PHF21B: variants seen among roughly 807,000 people sequenced by gnomAD.
The protein encoded by PHF21B is PHD finger protein 21B.
PHF21B carries 22 observed loss-of-function variants against 62.2 expected under a neutral mutation model. The observed-to-expected ratio is 0.35, with a 90% confidence interval of 0.25 to 0.51. The LOEUF (loss-of-function observed/expected upper bound fraction) is 0.51. Ranked by LOEUF, PHF21B falls within the 20% of genes least tolerant of loss-of-function variation. The pLI is 0.97. For missense variants in PHF21B, 701 were observed against 707.9 expected, an observed-to-expected ratio of 0.99 and a Z score of 0.11; for synonymous variants, 341 against 314.7, an observed-to-expected ratio of 1.08 and a Z score of -0.88.
At chr22:44,908,505 C>T (rs1237318624) in intron 5 of PHF21B, among the ~76,000 whole-genome samples, 1 of 152,164 alleles carries the variant, frequency 6.6e-6, no homozygotes, top group Non-Finnish European at 1.5e-5. Flanking sequence ...CTGCTGCAGC[C>T]CCTGTTGCCA....
chr22:44,901,692 G>T, intron 5 of PHF21B: 1 of 457,612 alleles, frequency 2.2e-6, no homozygotes. Flanking sequence ...AAAAGCCCAA[G>T]GGGGAAGCCC....
chr22:44,945,727 T>C (rs136701), intron 2 of PHF21B, among the ~76,000 whole-genome samples: 16 of 22,582 alleles, frequency 7.1e-4, no homozygotes, highest in Admixed American at 4.1e-3. Flanking sequence ...GGGGGGGGGG[T>C]GGTATAAAGC....
intron 2 of PHF21B, among the ~76,000 whole-genome samples, chr22:44,929,845 G>A (rs62232246): frequency 1.3e-5 from 2 of 152,230 alleles, no homozygotes; most frequent in Admixed American, 1.3e-4. Flanking sequence ...GGGACCCACA[G>A]AGATGCGAGG....
At chr22:44,997,470 G>A (rs568748978) in intron 2 of PHF21B, among the ~76,000 whole-genome samples, 2 of 152,216 alleles carry the variant, frequency 1.3e-5, no homozygotes, top group Non-Finnish European at 1.5e-5. Context: ...ATTCAATGGG[G>A]CTGTCAACCC....
At chr22:44,965,630 C>CA (rs1050906446) in intron 2 of PHF21B, among the ~76,000 whole-genome samples, 4 of 152,204 alleles carry the variant, frequency 2.6e-5, no homozygotes, top group African/African-American at 9.7e-5. Context: ...CCCGGCCCCC[C>CA]AGGTGTTCTG....
intron 7 of PHF21B, among the ~76,000 whole-genome samples, chr22:44,892,571 C>T (rs1324719235): frequency 1.3e-5 from 2 of 152,246 alleles, no homozygotes; most frequent in Admixed American, 6.5e-5. Flanking sequence ...GAGCTGGCAT[C>T]TGCAACACAC....
chr22:44,926,625 G>T (rs1008756055), intron 2 of PHF21B, among the ~76,000 whole-genome samples: 31 of 152,232 alleles, frequency 2.0e-4, no homozygotes, highest in African/African-American at 7.0e-4. Flanking sequence ...AGGAGGCCGA[G>T]GACAGCCATG....
Position 44,986,245 on chromosome 22 carries a change from C to A in PHF21B, c.120+22300G>T, listed in dbSNP as rs371182226. Among the ~76,000 whole-genome samples, 62 of 151,368 alleles carry A rather than the reference C, an allele frequency of 4.1e-4. No individual in the cohort carries two copies. In the East Asian group the frequency reaches 0.01, roughly 25 times the overall value. On this transcript the variant is annotated intron_variant, in intron 2 of 12. Transcript: ENST00000313237. ...ACCATTATCACCATCATTATGACAA[C>A]CATCATCACCACCATCACCAGCAGC...
At chr22:44,978,034 CATGTGCATAT>C (rs2072770754) in intron 2 of PHF21B, among the ~76,000 whole-genome samples, 5 of 152,216 alleles carry the variant, frequency 3.3e-5, no homozygotes, top group Admixed American at 6.5e-5. Context: ...ACAGTGCATA[CATGTGCATAT>C]TTATCCATTA....
chr22:44,935,491 G>T (rs2071827523), intron 2 of PHF21B, among the ~76,000 whole-genome samples: 1 of 152,186 alleles, frequency 6.6e-6, no homozygotes, highest in Non-Finnish European at 1.5e-5. Context: ...GCGGGCGCCT[G>T]TAGTCCCAGC....
intron 2 of PHF21B, among the ~76,000 whole-genome samples, chr22:44,922,989 A>G (rs909831752): frequency 1.3e-5 from 2 of 152,210 alleles, no homozygotes; most frequent in African/African-American, 4.8e-5. Flanking sequence ...TAGAATGCAT[A>G]TGAAATTATA....
At chr22:44,918,572 C>A (rs2071480640) in intron 3 of PHF21B, among the ~76,000 whole-genome samples, 1 of 152,252 alleles carries the variant, frequency 6.6e-6, no homozygotes, top group South Asian at 2.1e-4. Context: ...TCTGCAGTCA[C>A]CCTGCCAGGC....
intron 2 of PHF21B, among the ~76,000 whole-genome samples, chr22:44,933,708 G>A (rs955255272): frequency 2.7e-5 from 3 of 110,016 alleles, no homozygotes; most frequent in South Asian, 2.8e-4. Context: ...GGAGCTCTTC[G>A]TGCAGATAAG....
At chr22:44,949,301 C>CAAAAAAAAA (rs1173438062) in intron 2 of PHF21B, among the ~76,000 whole-genome samples, 241 of 41,872 alleles carry the variant, frequency 5.8e-3, no homozygotes, top group Non-Finnish European at 9.9e-3. Flanking sequence ...AACTCCATCT[C>CAAAAAAAAA]AAAAAAAAGA....
intron 9 of PHF21B, among the ~76,000 whole-genome samples, chr22:44,888,570 G>C (rs143830099): frequency 6.6e-6 from 1 of 152,298 alleles, no homozygotes; most frequent in Non-Finnish European, 1.5e-5. Context: ...CACTGCTTAT[G>C]TGGACACTGC....
At chr22:44,997,349 C>T (rs1008387174) in intron 2 of PHF21B, among the ~76,000 whole-genome samples, 2 of 152,116 alleles carry the variant, frequency 1.3e-5, no homozygotes, top group African/African-American at 4.8e-5. Context: ...CCTCAGTCCA[C>T]GATGGCCCCA....
intron 3 of PHF21B, among the ~76,000 whole-genome samples, chr22:44,917,884 T>TG (rs1182124575): frequency 6.6e-6 from 1 of 152,228 alleles, no homozygotes; most frequent in Non-Finnish European, 1.5e-5. Flanking sequence ...CACCAGTGCC[T>TG]GGCACAGAGC....
At chr22:44,935,631 C>CA (rs136693) in intron 2 of PHF21B, among the ~76,000 whole-genome samples, 2 of 150,524 alleles carry the variant, frequency 1.3e-5, no homozygotes, top group African/African-American at 2.4e-5. Context: ...AACAAACAAA[C>CA]AAAAAAAAAA....
chr22:44,988,128 A>G (rs960677592), intron 2 of PHF21B, among the ~76,000 whole-genome samples: 2 of 152,228 alleles, frequency 1.3e-5, no homozygotes, highest in African/African-American at 4.8e-5. Context: ...CTAATATTTC[A>G]TCCCATGATA....
Sources: allele counts gnomAD v4.1 joint callset (sites outside exome capture counted in the v4.1 genomes callset), GRCh38; gene constraint gnomAD v4.1.1; transcripts MANE v1.5; gene names NCBI Gene and HGNC (gene_info 2026-07-23, HGNC 2026-07-21).